The following KCNIP1 variants were observed in gnomAD, a reference collection of about 807,000 sequenced individuals.
The protein encoded by KCNIP1 is potassium voltage-gated channel interacting protein 1, also known as A-type potassium channel modulatory protein KCNIP1.
Under a neutral mutation model 33.0 loss-of-function variants are expected in KCNIP1, and 18 were observed. The observed-to-expected ratio is 0.55, with a 90% confidence interval of 0.38 to 0.81. The LOEUF (loss-of-function observed/expected upper bound fraction) is 0.81. Among genes scored for constraint, KCNIP1 ranks in the 30% least tolerant of loss-of-function variants. The pLI, the probability that KCNIP1 is intolerant of heterozygous loss-of-function variation, is 0.00. For missense variants in KCNIP1, 238 were observed against 271.6 expected, an observed-to-expected ratio of 0.88 and a Z score of 0.87; for synonymous variants, 93 against 98.3, an observed-to-expected ratio of 0.95 and a Z score of 0.32.
At chr5:170,643,816 G>A (rs1253451580) in intron 1 of KCNIP1, among the ~76,000 whole-genome samples, 7 of 152,240 alleles carry the variant, frequency 4.6e-5, no homozygotes, top group Admixed American at 2.0e-4. Context: ...GGGACCATGG[G>A]TCAGGGCTGC....
intron 1 of KCNIP1, among the ~76,000 whole-genome samples, chr5:170,546,120 T>C (rs1409619355): frequency 6.6e-6 from 1 of 152,240 alleles, no homozygotes; most frequent in Admixed American, 6.5e-5. Flanking sequence ...TGTGTGGTCT[T>C]CATGGCTTTG....
chr5:170,727,512 G>A (rs1764052133), intron 5 of KCNIP1, among the ~76,000 whole-genome samples: 1 of 152,112 alleles, frequency 6.6e-6, no homozygotes, highest in South Asian at 2.1e-4. Context: ...AGGGGGAAGT[G>A]CCTAACCAAT....
chr5:170,500,928 A>G (rs78147551), upstream of KCNIP1, among the ~76,000 whole-genome samples: 1,493 of 152,314 alleles, frequency 9.8e-3, 33 homozygotes, highest in African/African-American at 0.033. Flanking sequence ...GGCAAGGATG[A>G]TCTGGTAATC....
chr5:170,520,005 T>G (rs1755299744), intron 1 of KCNIP1, among the ~76,000 whole-genome samples: 1 of 152,092 alleles, frequency 6.6e-6, no homozygotes, highest in South Asian at 2.1e-4. Context: ...TATAAAGCAC[T>G]CTATGCAATC....
intron 1 of KCNIP1, among the ~76,000 whole-genome samples, chr5:170,545,334 A>G (rs1756372307): frequency 6.6e-6 from 1 of 151,840 alleles, no homozygotes; most frequent in Non-Finnish European, 1.5e-5. Context: ...TTTGACTATG[A>G]TATGTGTAGT....
At chr5:170,379,665 G>A (rs1453567965) in intron 1 of KCNIP1, among the ~76,000 whole-genome samples, 1 of 152,186 alleles carries the variant, frequency 6.6e-6, no homozygotes. Flanking sequence ...AACACTTTAA[G>A]AGAAGTTAGA....
At chr5:170,523,459 A>C (rs1755446490) in intron 1 of KCNIP1, among the ~76,000 whole-genome samples, 2 of 152,204 alleles carry the variant, frequency 1.3e-5, no homozygotes, top group Non-Finnish European at 2.9e-5. Flanking sequence ...AACTGCAGCC[A>C]GTGGCTGATT....
intron 1 of KCNIP1, among the ~76,000 whole-genome samples, chr5:170,599,574 C>T (rs996766363): frequency 6.6e-6 from 1 of 152,034 alleles, no homozygotes. Flanking sequence ...GGTGCCCTCC[C>T]ACCCCGAGAT....
intron 1 of KCNIP1, among the ~76,000 whole-genome samples, chr5:170,475,769 C>G (rs1051495795): frequency 6.6e-6 from 1 of 152,064 alleles, no homozygotes; most frequent in Non-Finnish European, 1.5e-5. Flanking sequence ...CTCCTTCCCC[C>G]TACTTCCTTA....
rs116307740 is a variant in KCNIP1, at chr5:170,669,133, T to C, written c.62-49625T>C. On this transcript the variant is annotated intron_variant, in intron 1 of 7. Coordinates refer to ENST00000328939, the MANE Select transcript of KCNIP1 (RefSeq NM_014592.4). ...GACTGGGTCTCTCTAGCACCTAGCA[T>C]AGATCTGATACATAGTGGGTGATCT... Among the ~76,000 whole-genome samples the C allele has an allele frequency of 3.7e-3, 562 of 152,342 alleles. 2 individuals are homozygous for C. Among genetic ancestry groups the C allele is most frequent in the African/African-American group, 0.013 (529 of 41,570 alleles).
chr5:170,529,020 G>T (rs1319816775), intron 1 of KCNIP1, among the ~76,000 whole-genome samples: 1 of 152,156 alleles, frequency 6.6e-6, no homozygotes, highest in Non-Finnish European at 1.5e-5. Flanking sequence ...ATCTTTGTTA[G>T]TCAGAACCTT....
intron 1 of KCNIP1, among the ~76,000 whole-genome samples, chr5:170,543,060 G>T (rs1299212297): frequency 1.3e-5 from 2 of 152,214 alleles, no homozygotes; most frequent in Non-Finnish European, 2.9e-5. Context: ...AAGAAGCTCT[G>T]TTAGGCCTCT....
At chr5:170,681,991 A>G (rs1358132376) in intron 1 of KCNIP1, among the ~76,000 whole-genome samples, 1 of 152,242 alleles carries the variant, frequency 6.6e-6, no homozygotes, top group East Asian at 1.9e-4. Context: ...GTATATCCAA[A>G]GTATGTATAA....
At chr5:170,641,430 G>A (rs1760552431) in intron 1 of KCNIP1, among the ~76,000 whole-genome samples, 1 of 152,218 alleles carries the variant, frequency 6.6e-6, no homozygotes, top group Non-Finnish European at 1.5e-5. Flanking sequence ...GGGGAAGGTG[G>A]CCGTCATCCC....
chr5:170,418,485 G>A (rs1447982125), intron 1 of KCNIP1, among the ~76,000 whole-genome samples: 1 of 152,128 alleles, frequency 6.6e-6, no homozygotes, highest in Non-Finnish European at 1.5e-5. Flanking sequence ...GCCTCCTCAA[G>A]TCCTCCTGAC....
At chr5:170,597,784 A>AATATATATATATATATATAT (rs10525595) in intron 1 of KCNIP1, among the ~76,000 whole-genome samples, 9 of 134,462 alleles carry the variant, frequency 6.7e-5, no homozygotes, top group African/African-American at 1.5e-4. Flanking sequence ...GAGAGAGATA[A>AATATATATATATATATATAT]ATATATATAT....
At chr5:170,382,001 C>G (rs1283596937) in intron 1 of KCNIP1, among the ~76,000 whole-genome samples, 3 of 152,086 alleles carry the variant, frequency 2.0e-5, no homozygotes, top group African/African-American at 7.2e-5. Context: ...CTTCAGCACT[C>G]TCAAGATCCC....
At chr5:170,402,474 G>C (rs1754929384) in intron 1 of KCNIP1, among the ~76,000 whole-genome samples, 1 of 152,172 alleles carries the variant, frequency 6.6e-6, no homozygotes. Flanking sequence ...TGTCCTCTAG[G>C]TGGTTGCTGG....
chr5:170,713,857 AC>A (rs1436189065), intron 1 of KCNIP1, among the ~76,000 whole-genome samples: 8 of 151,952 alleles, frequency 5.3e-5, no homozygotes, highest in Non-Finnish European at 1.0e-4. Flanking sequence ...ACCCGTTTCT[AC>A]TAAAAATAAA....
Sources: allele counts gnomAD v4.1 joint callset (sites outside exome capture counted in the v4.1 genomes callset), GRCh38; gene constraint gnomAD v4.1.1; transcripts MANE v1.5; gene names NCBI Gene and HGNC (gene_info 2026-07-23, HGNC 2026-07-21).